Variants in B3GALT1 observed in about 807,000 individuals in gnomAD.
B3GALT1 encodes beta-1,3-galactosyltransferase 1.
B3GALT1 carries 10 observed loss-of-function variants against 23.2 expected under a neutral mutation model. The observed-to-expected ratio is 0.43, with a 90% CI of 0.27 to 0.73. B3GALT1 has a LOEUF of 0.73. Ranked by LOEUF, B3GALT1 falls within the 30% of genes least tolerant of loss-of-function variation. The pLI is 0.21. For synonymous variants in B3GALT1, 156 were observed against 141.5 expected, an observed-to-expected ratio of 1.10 and a Z score of -0.73; for missense variants, 299 against 405.4, an observed-to-expected ratio of 0.74 and a Z score of 2.25.
rs368343222 is a variant in B3GALT1 at position 167,574,140 on chromosome 2, G to A, written c.-409-72769G>A. Among the ~76,000 whole-genome samples the A allele has an allele frequency of 5.3e-5, 8 of 151,556 alleles. No homozygotes were observed. The South Asian group carries it at 1.2e-3, about 24-fold the overall frequency. On this transcript the variant is annotated intron_variant, in intron 2 of 4. Coordinates refer to ENST00000392690, the MANE Select transcript of B3GALT1 (RefSeq NM_020981.4). ...AGAAAGAATATAAATTTCAAATTCA[G>A]TACCATAAAATACAAGCTTTGCACT... is the stretch of plus-strand genomic sequence containing the variant.
intron 2 of B3GALT1, among the ~76,000 whole-genome samples, chr2:167,591,307 C>G (rs1047931587): frequency 1.3e-5 from 2 of 151,874 alleles, no homozygotes; most frequent in South Asian, 4.2e-4. Context: ...TAGTATGGCT[C>G]AATTAAAGTG....
chr2:167,838,263 A>AATTG (rs1234163123), intron 4 of B3GALT1, among the ~76,000 whole-genome samples: 1 of 152,250 alleles, frequency 6.6e-6, no homozygotes, highest in Non-Finnish European at 1.5e-5. Context: ...AGATCAACAA[A>AATTG]ATTGATAGAC....
intron 3 of B3GALT1, among the ~76,000 whole-genome samples, chr2:167,696,196 G>A (rs77829413): frequency 0.022 from 3,318 of 148,860 alleles, 57 homozygotes; most frequent in Non-Finnish European, 0.033. Context: ...TCTGGAGTTG[G>A]ACAGAGTAAC....
Position 167,721,323 on chromosome 2 carries a change from C to G in B3GALT1, c.-352+74357C>G, listed in dbSNP as rs1421201862. On this transcript the variant is annotated intron_variant, in intron 3 of 4. Coordinates refer to ENST00000392690, the MANE Select transcript of B3GALT1 (RefSeq NM_020981.4). ...CAGTTAAAGCTGAGGAAAGGGAAAC[C>G]ATTTGTGAGCAATTGAAGCAGTGCA... 3.3e-5 allele frequency among the ~76,000 whole-genome samples: 5 copies of G among 152,136 alleles called. No homozygotes were observed. The East Asian group carries it at 9.6e-4, about 29-fold the overall frequency.
At chr2:167,407,811 A>G (rs1574067029) in intron 1 of B3GALT1, among the ~76,000 whole-genome samples, 2 of 152,146 alleles carry the variant, frequency 1.3e-5, no homozygotes, top group South Asian at 4.1e-4. Context: ...ACCAATAACA[A>G]GTAACAAGAT....
intron 2 of B3GALT1, among the ~76,000 whole-genome samples, chr2:167,559,462 C>G (rs879031983): frequency 6.6e-6 from 1 of 152,224 alleles, no homozygotes; most frequent in African/African-American, 2.4e-5. Context: ...CGGAGGATGA[C>G]TTTGACGAGT....
chr2:167,628,984 T>C (rs909464826), intron 2 of B3GALT1, among the ~76,000 whole-genome samples: 2 of 151,772 alleles, frequency 1.3e-5, no homozygotes, highest in South Asian at 2.1e-4. Context: ...GCAATCTAGG[T>C]CAAGGTCACT....
intron 1 of B3GALT1, among the ~76,000 whole-genome samples, chr2:167,439,412 A>G (rs1698841847): frequency 6.6e-6 from 1 of 152,126 alleles, no homozygotes; most frequent in African/African-American, 2.4e-5. Context: ...TTATTTTCAA[A>G]TGCATATGTC....
intron 3 of B3GALT1, among the ~76,000 whole-genome samples, chr2:167,682,961 A>G (rs1450784042): frequency 6.6e-6 from 1 of 152,244 alleles, no homozygotes; most frequent in Non-Finnish European, 1.5e-5. Flanking sequence ...AAGAAATCAT[A>G]CAGAGCGTTC....
At chr2:167,654,931 G>A (rs1685932474) in intron 3 of B3GALT1, among the ~76,000 whole-genome samples, 1 of 151,832 alleles carries the variant, frequency 6.6e-6, no homozygotes, top group Non-Finnish European at 1.5e-5. Context: ...GTAATTATCT[G>A]GGGAGGATAA....
intron 1 of B3GALT1, among the ~76,000 whole-genome samples, chr2:167,341,266 G>A (rs1183369299): frequency 1.3e-5 from 2 of 152,222 alleles, no homozygotes; most frequent in Non-Finnish European, 2.9e-5. Flanking sequence ...TCAGTGAGAT[G>A]TGAGTGTATT....
In B3GALT1 at chr2:167,721,078, T is replaced by C. The variant is rs1308799151; in HGVS notation, c.-352+74112T>C. Among the ~76,000 whole-genome samples, 3 of 150,666 alleles carry C rather than the reference T, an allele frequency of 2.0e-5. No individual in the cohort carries two copies. In the South Asian group the frequency reaches 6.2e-4, roughly 31 times the overall value. On this transcript the variant is annotated intron_variant, in intron 3 of 4. Coordinates refer to ENST00000392690, the MANE Select transcript of B3GALT1 (RefSeq NM_020981.4). The stretch of plus-strand genomic sequence containing the variant: ...TGTATATCTCCATCTTTCTCTCTCT[T>C]CTCTCTCTCTCACTCTTTCTCTTCT...
chr2:167,645,397 T>C (rs550479196), intron 2 of B3GALT1, among the ~76,000 whole-genome samples: 57 of 152,226 alleles, frequency 3.7e-4, no homozygotes, highest in African/African-American at 1.3e-3. Context: ...ATAAAATATT[T>C]AACTATCAAA....
Position 167,293,028 on chromosome 2 carries a change from G to T in B3GALT1, c.-817G>T, listed in dbSNP as rs1447387542. The stretch of plus-strand genomic sequence containing the variant: ...AGCCATCGCCGGGGAAGCGCAGCCG[G>T]GCTCGGGTGCTTCGGCTGCCGCCGC... On this transcript the variant is annotated 5_prime_UTR_variant, in exon 1 of 5. Transcript: ENST00000392690. 6.6e-6 allele frequency: 1 copy of T among 151,890 alleles called. No homozygotes were observed. The highest frequency in any genetic ancestry group is 1.5e-5 in the Non-Finnish European group (1 of 67,952). 9.4% of individuals were successfully genotyped at this position (151,890 alleles called of 1,614,324 possible).
At chr2:167,352,614 G>T (rs1252199828) in intron 1 of B3GALT1, among the ~76,000 whole-genome samples, 1 of 151,284 alleles carries the variant, frequency 6.6e-6, no homozygotes, top group African/African-American at 2.4e-5. Context: ...CCAGCTACTC[G>T]GGAGGCTGAG....
chr2:167,301,069 G>T (rs964104658), intron 1 of B3GALT1, among the ~76,000 whole-genome samples: 3 of 152,056 alleles, frequency 2.0e-5, no homozygotes, highest in African/African-American at 7.2e-5. Flanking sequence ...TATAAGTTGG[G>T]CACAGTAAGC....
In B3GALT1 at chr2:167,623,014, G is replaced by GA. The variant is rs897520242; in HGVS notation, c.-409-23886dup. On this transcript the variant is annotated intron_variant, in intron 2 of 4. Transcript: ENST00000392690. The stretch of plus-strand genomic sequence containing the variant: ...CATATGGTTAGCATTCTTTCCACTA[G>GA]AAAAAAAAAGGTATTTGCTTTGAAA... 5.5e-4 allele frequency among the ~76,000 whole-genome samples: 83 copies of GA among 149,804 alleles called. 1 individual carries two copies. The highest frequency in any genetic ancestry group is 5.0e-4 in the Non-Finnish European group (34 of 67,368).
chr2:167,799,983 C>T (rs1286134919), intron 3 of B3GALT1, among the ~76,000 whole-genome samples: 2 of 150,710 alleles, frequency 1.3e-5, no homozygotes, highest in African/African-American at 4.9e-5. Context: ...CTTATGTATA[C>T]ACATAGTTTC....
intron 3 of B3GALT1, among the ~76,000 whole-genome samples, chr2:167,664,870 A>G (rs1253900582): frequency 1.1e-4 from 16 of 149,528 alleles, no homozygotes; most frequent in East Asian, 5.9e-4. Context: ...GGGCTGAGAC[A>G]ATGGGGTTTT....
Sources: gnomAD v4.1 joint callset for allele counts (sites outside exome capture counted in the v4.1 genomes callset) on GRCh38, gnomAD v4.1.1 for gene constraint, MANE v1.5 for transcripts, NCBI Gene and HGNC (gene_info 2026-07-23, HGNC 2026-07-21) for gene names.